RAD23B: variants seen among roughly 807,000 people sequenced by gnomAD.
RAD23B encodes the protein RAD23 nucleotide excision repair protein B.
Under a neutral mutation model 49.1 loss-of-function variants are expected in RAD23B, and 5 were observed. The observed-to-expected ratio is 0.10, with a 90% confidence interval of 0.05 to 0.21. The LOEUF is 0.21. Ranked by LOEUF, RAD23B falls within the 10% of genes least tolerant of loss-of-function variation. RAD23B has a pLI of 1.00. For missense variants in RAD23B, 356 were observed against 486.7 expected (o/e 0.73, Z 2.53); for synonymous variants, 184 against 165.4 (o/e 1.11, Z -0.86).
chr9:107,329,595 G>T lies in RAD23B; in HGVS notation c.1169G>T (p.Cys390Phe). 1.2e-6 allele frequency: 2 copies of T among 1,613,394 alleles called. No individual in the cohort carries two copies. Among genetic ancestry groups the T allele is most frequent in the Non-Finnish European group, 1.7e-6 (2 of 1,179,578 alleles). The change falls in exon 10 of 10, where the codon TGT becomes TTT. Residue 390 changes from cysteine to phenylalanine, a missense_variant. Around this residue, in one of 5 missense-constraint regions of RAD23B, gnomAD observed 8 missense variants for 47.2 expected, o/e 0.17. Coordinates refer to ENST00000358015, the MANE Select transcript of RAD23B (RefSeq NM_002874.5). Reference protein sequence around the residue: ...EGLVIQAYFACEKNENLAANF... With the variant: ...EGLVIQAYFAFEKNENLAANF... The stretch of plus-strand genomic sequence containing the variant: ...CTTGTGATACAAGCGTATTTTGCTT[G>T]TGAGAAGAATGAGAATTTGGCTGCC...
chr9:107,323,816 CTAAATG>C, intron 7 of RAD23B, 68 bp from the exon 8 acceptor site: 4 of 1,356,472 alleles, frequency 2.9e-6, no homozygotes, highest in Non-Finnish European at 4.2e-6. Context: ...TGTTTGCTGT[CTAAATG>C]TATTATTTAA....
Position 107,331,497 on chromosome 9 carries a change from A to T in RAD23B, c.*1841A>T, listed in dbSNP as rs559343109. On this transcript the variant is annotated 3_prime_UTR_variant, in exon 10 of 10. Coordinates refer to ENST00000358015, the MANE Select transcript of RAD23B (RefSeq NM_002874.5). Reference sequence around the variant, plus strand: ...AACATGACAGGCTTTTGGACTTTGTATTACCTGTATGTTTTATAATGGATC... The same window carrying T: ...AACATGACAGGCTTTTGGACTTTGTTTTACCTGTATGTTTTATAATGGATC... 2 of 568,500 alleles carry T rather than the reference A, an allele frequency of 3.5e-6. No individual in the cohort carries two copies. Among genetic ancestry groups the T allele is most frequent in the Non-Finnish European group, 6.2e-6 (2 of 320,576 alleles). The allele number at this position is 568,500 out of a possible 1,614,324, so 35.2% of individuals were successfully genotyped here. A position where few individuals can be genotyped will look rare whatever the true frequency, so the allele number is the denominator to read the frequency against.
At position 107,330,884 on chromosome 9, in the gene RAD23B, C is replaced by G. The variant is rs573866812; in HGVS notation, c.*1228C>G. The stretch of plus-strand genomic sequence containing the variant: ...TCTCATGGCATATTAAAAGAAAAAT[C>G]TTAATAGCAGTGTTGGCTTTTATTT... On this transcript the variant is annotated 3_prime_UTR_variant, in exon 10 of 10. Transcript: ENST00000358015. The surrounding 1 kb of genome is among the most constrained non-coding windows in gnomAD (Gnocchi z 4.4). 76 of 152,676 alleles carry G rather than the reference C, an allele frequency of 5.0e-4. No individual in the cohort carries two copies. Among genetic ancestry groups the G allele is most frequent in the African/African-American group, 1.6e-3 (68 of 41,558 alleles). The allele number at this position is 152,676 out of a possible 1,614,324, so 9.5% of individuals were successfully genotyped here. A position where few individuals can be genotyped will look rare whatever the true frequency, so the allele number is the denominator to read the frequency against.
chr9:107,312,057 G>A (rs1043312641), intron 5 of RAD23B, among the ~76,000 whole-genome samples: 1 of 152,178 alleles, frequency 6.6e-6, no homozygotes, highest in African/African-American at 2.4e-5. Flanking sequence ...TTTGAAATGG[G>A]TATGAAATTT....
At chr9:107,287,016 A>G (rs1381274020) in intron 1 of RAD23B, among the ~76,000 whole-genome samples, 1 of 151,448 alleles carries the variant, frequency 6.6e-6, no homozygotes, top group African/African-American at 2.4e-5. Context: ...CAGAGGTTGC[A>G]GTGAGCTGAG....
intron 7 of RAD23B, among the ~76,000 whole-genome samples, chr9:107,323,333 G>A (rs904848084): frequency 6.6e-6 from 1 of 152,082 alleles, no homozygotes; most frequent in Non-Finnish European, 1.5e-5. Context: ...GGTAATAACC[G>A]GAAGTCTTCC....
At chr9:107,321,906 G>T (rs1201750899) in intron 6 of RAD23B, 77 bp from the exon 7 acceptor site, 1 of 1,326,240 alleles carries the variant, frequency 7.5e-7, no homozygotes, top group Non-Finnish European at 9.9e-7. Context: ...ATGTTAAATA[G>T]ACTATAAATC....
At chr9:107,306,071 ATCTATATATC>A (rs796460351) in intron 3 of RAD23B, among the ~76,000 whole-genome samples, 16,481 of 115,568 alleles carry the variant, frequency 0.14, 1,652 homozygotes, top group East Asian at 0.36. Flanking sequence ...ATATATATAT[ATCTATATATC>A]TATATATATT....
chr9:107,302,665 T>G (rs1826679942), intron 3 of RAD23B, among the ~76,000 whole-genome samples: 4 of 151,122 alleles, frequency 2.6e-5, no homozygotes, highest in African/African-American at 7.3e-5. Context: ...GTTTTGTTTT[T>G]TTTTTTTTGA....
At chr9:107,286,388 A>T (rs75520977) in intron 1 of RAD23B, among the ~76,000 whole-genome samples, 4,718 of 152,328 alleles carry the variant, frequency 0.031, 175 homozygotes, top group East Asian at 0.19. Flanking sequence ...GGGGATATAC[A>T]AAATGGAAAG....
At chr9:107,283,743 G>C (rs922272798) in intron 1 of RAD23B, 48 bp downstream of exon 1, 13 of 1,361,994 alleles carry the variant, frequency 9.5e-6, no homozygotes, top group Non-Finnish European at 1.2e-5. Context: ...GGGCCGCGGG[G>C]AGCGCCAGGA....
At chr9:107,313,447 A>G (rs1221469919) in intron 5 of RAD23B, among the ~76,000 whole-genome samples, 5 of 152,080 alleles carry the variant, frequency 3.3e-5, no homozygotes, top group Non-Finnish European at 7.4e-5. Context: ...GGATGGTCTC[A>G]ATCTCCTGAC....
intron 2 of RAD23B, 57 bp from the exon 3 acceptor site, chr9:107,301,978 T>A (rs1461116979): frequency 1.9e-6 from 3 of 1,575,594 alleles, no homozygotes; most frequent in African/African-American, 2.8e-5. Flanking sequence ...TTGTTTTAAC[T>A]GAAGTGTAAG....
chr9:107,298,732 T>A (rs183799636), intron 1 of RAD23B, among the ~76,000 whole-genome samples: 1 of 151,830 alleles, frequency 6.6e-6, no homozygotes, highest in Non-Finnish European at 1.5e-5. Flanking sequence ...ATAAATATTA[T>A]ACTTACTTTT....
chr9:107,319,128 C>CTTTTTTTTTTTTTTT (rs56891354), intron 6 of RAD23B, among the ~76,000 whole-genome samples: 3 of 97,790 alleles, frequency 3.1e-5, no homozygotes, highest in Admixed American at 1.3e-4. Flanking sequence ...TTTCTTTTTT[C>CTTTTTTTTTTTTTTT]TTTTTTTTTT....
At chr9:107,306,295 G>A (rs1826771353) in intron 3 of RAD23B, 84 bp from the exon 4 acceptor site, 1 of 1,341,318 alleles carries the variant, frequency 7.5e-7, no homozygotes, top group Non-Finnish European at 1.0e-6. Flanking sequence ...TATGTTTGTG[G>A]CATCCTGTAA....
At chr9:107,310,195 A>AC (rs1418065765) in intron 4 of RAD23B, among the ~76,000 whole-genome samples, 1 of 152,018 alleles carries the variant, frequency 6.6e-6, no homozygotes, top group Admixed American at 6.6e-5. Flanking sequence ...AAAAAGAATG[A>AC]CCCCTCATAC....
rs1448967267 is a variant in RAD23B, at chr9:107,331,829, A to G, written c.*2173A>G. ...CCAAGTTTTGATCGTTCCATACAGT[A>G]CCTTGTTTATCTGCTTCTTAAAGAA... is the stretch of plus-strand genomic sequence containing the variant. On this transcript the variant is annotated 3_prime_UTR_variant, in exon 10 of 10. Coordinates refer to ENST00000358015, the MANE Select transcript of RAD23B (RefSeq NM_002874.5). 1 of 652,964 alleles carries G rather than the reference A, an allele frequency of 1.5e-6. No individual in the cohort carries two copies. Among genetic ancestry groups the G allele is most frequent in the Non-Finnish European group, 2.8e-6 (1 of 357,038 alleles). The allele number at this position is 652,964 out of a possible 1,614,324, so 40.4% of individuals were successfully genotyped here. A position where few individuals can be genotyped will look rare whatever the true frequency, so the allele number is the denominator to read the frequency against.
At chr9:107,302,953 G>C (rs1440743634) in intron 3 of RAD23B, among the ~76,000 whole-genome samples, 1 of 152,202 alleles carries the variant, frequency 6.6e-6, no homozygotes, top group East Asian at 1.9e-4. Context: ...ACCGCGCCCA[G>C]CCTGGAAGTT....
Sources: allele counts gnomAD v4.1 joint callset (sites outside exome capture counted in the v4.1 genomes callset), GRCh38; gene constraint gnomAD v4.1.1; regional missense constraint gnomAD v4.1.1; non-coding constraint Gnocchi (gnomAD v3.1); transcripts MANE v1.5; gene names NCBI Gene and HGNC (gene_info 2026-07-23, HGNC 2026-07-21).